The following AGPAT3 variants were observed in gnomAD, a reference collection of about 807,000 sequenced individuals.
AGPAT3 encodes the protein 1-acyl-sn-glycerol-3-phosphate acyltransferase gamma.
AGPAT3 carries 5 observed loss-of-function variants against 47.3 expected under a neutral mutation model. That is an observed-to-expected ratio of 0.11 (90% CI 0.06 to 0.22). The LOEUF is 0.22. Among genes scored for constraint, AGPAT3 ranks in the 10% least tolerant of loss-of-function variants. The pLI is 1.00. For missense variants in AGPAT3, 315 were observed against 493.0 expected, an observed-to-expected ratio of 0.64 and a Z score of 3.42; for synonymous variants, 212 against 208.3, an observed-to-expected ratio of 1.02 and a Z score of -0.15.
chr21:43,884,296 C>T (rs2085921280), intron 1 of AGPAT3, among the ~76,000 whole-genome samples: 1 of 141,562 alleles, frequency 7.1e-6, no homozygotes, highest in South Asian at 2.6e-4. Context: ...TCCTCCTTCT[C>T]TCCTGCTGAG....
intron 1 of AGPAT3, among the ~76,000 whole-genome samples, chr21:43,884,401 G>A (rs968178242): frequency 3.3e-5 from 5 of 152,068 alleles, no homozygotes; most frequent in Non-Finnish European, 2.9e-5. Flanking sequence ...CTGCCTCTTC[G>A]ACCTCGTCCC....
intron 1 of AGPAT3, among the ~76,000 whole-genome samples, chr21:43,877,888 C>T (rs1468883308): frequency 6.6e-6 from 1 of 152,048 alleles, no homozygotes; most frequent in East Asian, 1.9e-4. Context: ...ATCTATGACC[C>T]CCTTCCTCCA....
intron 3 of AGPAT3, among the ~76,000 whole-genome samples, chr21:43,964,098 T>C (rs1292195926): frequency 6.6e-6 from 1 of 151,838 alleles, no homozygotes; most frequent in East Asian, 1.9e-4. Context: ...ATAAAAACAG[T>C]GCTCAGCCGG....
At chr21:43,887,197 C>G (rs150660413) in intron 1 of AGPAT3, among the ~76,000 whole-genome samples, 287 of 152,344 alleles carry the variant, frequency 1.9e-3, no homozygotes, top group African/African-American at 6.7e-3. Context: ...CACTCCATTG[C>G]CTTCTTGGTG....
chr21:43,949,232 C>T (rs983748393), intron 2 of AGPAT3, among the ~76,000 whole-genome samples: 1 of 152,196 alleles, frequency 6.6e-6, no homozygotes, highest in African/African-American at 2.4e-5. Context: ...CAAACCACCT[C>T]AAAATGTATC....
chr21:43,968,019 C>G lies in AGPAT3; in HGVS notation c.252C>G (p.Arg84=). 6.2e-7 allele frequency: 1 copy of G among 1,613,874 alleles called. No individual in the cohort carries two copies. The highest frequency in any genetic ancestry group is 8.5e-7 in the Non-Finnish European group (1 of 1,179,990). ...TCACGGACCAGGCCACGGTAGAGCG[C>G]TTTGGGAAGGAGCACGCAGTCATCA... ...TLFTDQATVE[R]FGKEHAVIIL... Residue 84 remains arginine, a synonymous_variant, in exon 4 of 10, where the codon CGC becomes CGG. Transcript: ENST00000291572.
chr21:43,912,701 T>G (rs1032349768), intron 2 of AGPAT3, among the ~76,000 whole-genome samples: 1 of 152,256 alleles, frequency 6.6e-6, no homozygotes, highest in Non-Finnish European at 1.5e-5. Context: ...TTATCGTCAA[T>G]AGTCCTGTTA....
rs2089835739 is a variant in AGPAT3, at chr21:43,981,156, G to C, written c.1011G>C (p.Leu337=). Residue 337 remains leucine (L), a synonymous_variant, in exon 9 of 10, where the codon CTG becomes CTC. Coordinates refer to ENST00000291572, the MANE Select transcript of AGPAT3 (RefSeq NM_020132.5). The surrounding 1 kb of genome is among the most constrained non-coding windows in gnomAD (Gnocchi z 5.3). Reference sequence around the variant, plus strand: ...TCTTTGCCAGCGGATCACCTCTCCTGATCCTGACTTTCTTGGGGTTTGTGG... The same window carrying C: ...TCTTTGCCAGCGGATCACCTCTCCTCATCCTGACTTTCTTGGGGTTTGTGG... The part of the protein sequence containing the change: ...LGVFASGSPL[L]ILTFLGFVGA... 1 of 1,614,146 alleles carries C rather than the reference G, an allele frequency of 6.2e-7. No homozygotes were observed. Among genetic ancestry groups the C allele is most frequent in the Non-Finnish European group, 8.5e-7 (1 of 1,180,022 alleles).
intron 1 of AGPAT3, among the ~76,000 whole-genome samples, chr21:43,884,182 C>T (rs970346731): frequency 5.3e-5 from 8 of 152,132 alleles, no homozygotes; most frequent in Non-Finnish European, 1.2e-4. Context: ...GTGCTGGAGG[C>T]CTGTCGAAAG....
At chr21:43,884,153 C>T (rs1012035571) in intron 1 of AGPAT3, among the ~76,000 whole-genome samples, 4 of 152,252 alleles carry the variant, frequency 2.6e-5, no homozygotes, top group Non-Finnish European at 2.9e-5. Flanking sequence ...CCTTCCTGGA[C>T]GTTCCCAGAT....
chr21:43,896,953 T>G (rs1044637233), intron 1 of AGPAT3, among the ~76,000 whole-genome samples: 4 of 144,638 alleles, frequency 2.8e-5, no homozygotes, highest in South Asian at 2.2e-4. Flanking sequence ...GTTTTTTTTT[T>G]TTTTTTTTTT....
intron 2 of AGPAT3, among the ~76,000 whole-genome samples, chr21:43,914,469 A>ATT (rs1569061126): frequency 6.6e-6 from 1 of 152,140 alleles, no homozygotes; most frequent in Non-Finnish European, 1.5e-5. Flanking sequence ...AAAACTGTTT[A>ATT]ATAGATATTT....
At chr21:43,869,611 G>A (rs955594997) in intron 1 of AGPAT3, among the ~76,000 whole-genome samples, 8 of 152,216 alleles carry the variant, frequency 5.3e-5, no homozygotes, top group Non-Finnish European at 1.2e-4. Flanking sequence ...TCTGACCCCC[G>A]TGAGAGGAGG....
At chr21:43,963,634 G>A (rs2036520515) in intron 3 of AGPAT3, among the ~76,000 whole-genome samples, 1 of 151,218 alleles carries the variant, frequency 6.6e-6, no homozygotes, top group African/African-American at 2.4e-5. Context: ...TTTGAACCTG[G>A]TCGGTGGAGG....
chr21:43,868,090 CTT>C (rs1260727189), intron 1 of AGPAT3, among the ~76,000 whole-genome samples: 2 of 152,174 alleles, frequency 1.3e-5, no homozygotes, highest in African/African-American at 4.8e-5. Context: ...TTTTGATTAT[CTT>C]TGTCAAGCAA....
At position 43,933,252 on chromosome 21, in the gene AGPAT3, G is replaced by A. The variant is rs1169390265; in HGVS notation, c.-48-26382G>A. ...CGGGTCCTTTGCTGTTTGCTTTCTT[G>A]CTATTGAGTCTGAGCCCCTTTACCC... On this transcript the variant is annotated intron_variant, in intron 2 of 9. Coordinates refer to ENST00000291572, the MANE Select transcript of AGPAT3 (RefSeq NM_020132.5). The surrounding 1 kb of genome is among the most constrained non-coding windows in gnomAD (Gnocchi z 6.0). Among the ~76,000 whole-genome samples the A allele has an allele frequency of 1.3e-5, 2 of 152,074 alleles. No individual in the cohort carries two copies. Among genetic ancestry groups the A allele is most frequent in the Non-Finnish European group, 2.9e-5 (2 of 68,020 alleles).
At chr21:43,943,007 G>A (rs2087717716) in intron 2 of AGPAT3, among the ~76,000 whole-genome samples, 1 of 152,230 alleles carries the variant, frequency 6.6e-6, no homozygotes, top group Admixed American at 6.5e-5. Context: ...CAGAGGGAGG[G>A]AGGCCCGCTC....
At chr21:43,897,856 G>A (rs576322174) in intron 1 of AGPAT3, among the ~76,000 whole-genome samples, 30 of 152,360 alleles carry the variant, frequency 2.0e-4, no homozygotes, top group African/African-American at 6.5e-4. Context: ...GCAACATTGA[G>A]TATTGAGTGA....
intron 1 of AGPAT3, among the ~76,000 whole-genome samples, chr21:43,890,271 C>T (rs527443182): frequency 9.2e-5 from 14 of 152,242 alleles, no homozygotes; most frequent in African/African-American, 2.2e-4. Context: ...CCTGTGAGAC[C>T]GCGCGTCTGC....
Sources: allele counts gnomAD v4.1 joint callset (sites outside exome capture counted in the v4.1 genomes callset), GRCh38; gene constraint gnomAD v4.1.1; non-coding constraint Gnocchi (gnomAD v3.1); transcripts MANE v1.5; gene names NCBI Gene and HGNC (gene_info 2026-07-23, HGNC 2026-07-21).